The following DLG2 variants were observed in gnomAD, a reference collection of about 807,000 sequenced individuals.
DLG2 encodes the protein discs large MAGUK scaffold protein 2.
Under a neutral mutation model 132.5 loss-of-function variants are expected in DLG2, and 45 were observed. The observed-to-expected ratio is 0.34, with a 90% CI of 0.27 to 0.44. The LOEUF is 0.44. Ranked by LOEUF, DLG2 falls within the 20% of genes least tolerant of loss-of-function variation. DLG2 has a pLI of 1.00. For missense variants in DLG2, 1,045 were observed against 1,196.9 expected, an observed-to-expected ratio of 0.87 and a Z score of 1.87; for synonymous variants, 424 against 419.6, an observed-to-expected ratio of 1.01 and a Z score of -0.13.
intron 5 of DLG2, among the ~76,000 whole-genome samples, chr11:85,122,191 A>G (rs1367593672): frequency 6.6e-6 from 1 of 152,226 alleles, no homozygotes. Flanking sequence ...CACATGGAAA[A>G]GCTAACTACA....
At chr11:85,267,713 T>C (rs1489058183) in intron 4 of DLG2, among the ~76,000 whole-genome samples, 2 of 152,254 alleles carry the variant, frequency 1.3e-5, no homozygotes, top group East Asian at 3.8e-4. Context: ...ATTTTTATTT[T>C]CATTTTATAG....
intron 18 of DLG2, among the ~76,000 whole-genome samples, chr11:83,761,731 C>A (rs970949945): frequency 5.9e-5 from 9 of 152,172 alleles, no homozygotes; most frequent in African/African-American, 2.2e-4. Flanking sequence ...CCCTTGACAA[C>A]GTGCTGTTGT....
chr11:84,349,776 GA>G (rs1306008727), intron 7 of DLG2, among the ~76,000 whole-genome samples: 6 of 152,270 alleles, frequency 3.9e-5, no homozygotes, highest in African/African-American at 1.4e-4. Flanking sequence ...TGGCAGAGAG[GA>G]TTGTTTGAGA....
At chr11:85,349,153 C>A (rs2083087283) in intron 3 of DLG2, among the ~76,000 whole-genome samples, 2 of 152,064 alleles carry the variant, frequency 1.3e-5, no homozygotes, top group Admixed American at 1.3e-4. Context: ...AAACAGAGAC[C>A]TTAACTCTAA....
intron 19 of DLG2, among the ~76,000 whole-genome samples, chr11:83,621,200 T>G (rs2061587136): frequency 6.6e-6 from 1 of 152,182 alleles, no homozygotes; most frequent in African/African-American, 2.4e-5. Flanking sequence ...TTTGCCTTTT[T>G]GTTTATTATT....
At chr11:84,199,242 A>T (rs1450669184) in intron 8 of DLG2, among the ~76,000 whole-genome samples, 2 of 152,142 alleles carry the variant, frequency 1.3e-5, no homozygotes, top group Non-Finnish European at 2.9e-5. Context: ...CTACAGTGAG[A>T]TTGAAGTTGA....
At chr11:85,191,519 G>C (rs528418774) in intron 4 of DLG2, among the ~76,000 whole-genome samples, 1 of 151,994 alleles carries the variant, frequency 6.6e-6, no homozygotes, top group Non-Finnish European at 1.5e-5. Context: ...TTACTGACAC[G>C]CTCTCAGAAG....
At chr11:85,128,903 C>A (rs572744337) in intron 5 of DLG2, among the ~76,000 whole-genome samples, 22 of 152,210 alleles carry the variant, frequency 1.4e-4, no homozygotes, top group African/African-American at 4.8e-4. Flanking sequence ...ACACATTTTT[C>A]CATATACCAG....
chr11:84,847,172 A>T (rs187328767), intron 6 of DLG2, among the ~76,000 whole-genome samples: 83 of 152,314 alleles, frequency 5.4e-4, no homozygotes, highest in African/African-American at 1.9e-3. Context: ...CGAAACAAAA[A>T]TATAAAATAT....
At chr11:83,639,418 T>C (rs1030452572) in intron 18 of DLG2, among the ~76,000 whole-genome samples, 1 of 152,164 alleles carries the variant, frequency 6.6e-6, no homozygotes, top group African/African-American at 2.4e-5. Context: ...GTCTTTGCTA[T>C]TGTGAATAAT....
At chr11:83,625,712 G>A (rs2062406703) in intron 19 of DLG2, among the ~76,000 whole-genome samples, 1 of 152,176 alleles carries the variant, frequency 6.6e-6, no homozygotes, top group African/African-American at 2.4e-5. Context: ...GGCTGTGCGT[G>A]CTTGTCTAAA....
At chr11:84,089,254 CTGTT>C (rs2097048862) in intron 10 of DLG2, among the ~76,000 whole-genome samples, 1 of 152,166 alleles carries the variant, frequency 6.6e-6, no homozygotes, top group South Asian at 2.1e-4. Context: ...TCCCTTTCCT[CTGTT>C]TGGTGCTTCT....
At position 85,028,258 on chromosome 11, in the gene DLG2, G is replaced by A. The variant is rs149269082; in HGVS notation, c.357+83403C>T. Among the ~76,000 whole-genome samples, 138 of 152,214 alleles carry A rather than the reference G, an allele frequency of 9.1e-4. 2 individuals are homozygous for A. Among genetic ancestry groups the A allele is most frequent in the African/African-American group, 3.1e-3 (130 of 41,524 alleles). On this transcript the variant is annotated intron_variant, in intron 6 of 27. Coordinates refer to ENST00000376104, the MANE Select transcript of DLG2 (RefSeq NM_001142699.3). ...TCTGGCTGAGTCTGGGGTTTTCATG[G>A]GCTTCAGATGGGAGGAAGTGTGTGC... is the stretch of plus-strand genomic sequence containing the variant.
At chr11:84,935,722 C>G (rs1173940466) in intron 6 of DLG2, among the ~76,000 whole-genome samples, 1 of 152,152 alleles carries the variant, frequency 6.6e-6, no homozygotes, top group Non-Finnish European at 1.5e-5. Context: ...GAGAGCATAT[C>G]ATGACAAAGA....
chr11:84,908,764 A>G (rs1008170626), intron 6 of DLG2, among the ~76,000 whole-genome samples: 4 of 151,540 alleles, frequency 2.6e-5, no homozygotes, highest in African/African-American at 4.8e-5. Flanking sequence ...ATGGGATGCT[A>G]ATGTCTATCA....
intron 7 of DLG2, chr11:84,273,306 G>GAAAAAA (rs752762450): frequency 2.3e-5 from 18 of 791,218 alleles, no homozygotes; most frequent in South Asian, 1.0e-4. Context: ...AGTTGAAGAG[G>GAAAAAA]AAAAAAAAAA....
At chr11:85,222,526 C>T (rs2074713654) in intron 4 of DLG2, among the ~76,000 whole-genome samples, 1 of 152,076 alleles carries the variant, frequency 6.6e-6, no homozygotes, top group Admixed American at 6.6e-5. Context: ...CACTGGTATT[C>T]CCTCATTGGA....
chr11:85,189,155 A>C (rs780875129), intron 4 of DLG2, among the ~76,000 whole-genome samples: 21 of 152,194 alleles, frequency 1.4e-4, no homozygotes, highest in Non-Finnish European at 2.1e-4. Context: ...TCCCATAAGA[A>C]AGAATGGTGG....
intron 6 of DLG2, among the ~76,000 whole-genome samples, chr11:84,730,740 G>T (rs1388998864): frequency 6.6e-6 from 1 of 151,906 alleles, no homozygotes; most frequent in Non-Finnish European, 1.5e-5. Context: ...TCTTCTAGCT[G>T]CATGAACTAA....
Sources: allele counts gnomAD v4.1 joint callset (sites outside exome capture counted in the v4.1 genomes callset), GRCh38; gene constraint gnomAD v4.1.1; transcripts MANE v1.5; gene names NCBI Gene and HGNC (gene_info 2026-07-23, HGNC 2026-07-21).